The following GRM5 variants were observed in gnomAD, a reference collection of about 807,000 sequenced individuals.
The protein encoded by GRM5 is glutamate metabotropic receptor 5.
In GRM5, 19 loss-of-function variants were observed where a neutral mutation model predicts 83.1. That is an observed-to-expected ratio of 0.23 (90% CI 0.16 to 0.34). The LOEUF (loss-of-function observed/expected upper bound fraction) is 0.34. GRM5 is among the 10% of genes least tolerant of loss of function. The pLI, the probability that GRM5 is intolerant of heterozygous loss-of-function variation, is 1.00. For missense variants in GRM5, 1,160 were observed against 1,588.3 expected (o/e 0.73, Z 4.58); for synonymous variants, 675 against 633.6 (o/e 1.07, Z -0.98).
At chr11:88,964,894 G>A (rs923494355) in intron 2 of GRM5, among the ~76,000 whole-genome samples, 1 of 152,058 alleles carries the variant, frequency 6.6e-6, no homozygotes, top group Non-Finnish European at 1.5e-5. Flanking sequence ...ATAATAGAAT[G>A]ACATCTTTAA....
chr11:88,534,161 G>A (rs914082630), intron 8 of GRM5, among the ~76,000 whole-genome samples: 1 of 152,192 alleles, frequency 6.6e-6, no homozygotes, highest in Non-Finnish European at 1.5e-5. Context: ...GGGAAATGTG[G>A]GGTTGGAGTC....
chr11:88,724,168 T>C (rs1425539913), intron 3 of GRM5, among the ~76,000 whole-genome samples: 1 of 152,192 alleles, frequency 6.6e-6, no homozygotes, highest in Non-Finnish European at 1.5e-5. Context: ...TCATCTCTAT[T>C]GGCTGCCTTC....
At chr11:88,921,917 A>G (rs1380802961) in intron 2 of GRM5, among the ~76,000 whole-genome samples, 27 of 131,044 alleles carry the variant, frequency 2.1e-4, no homozygotes, top group Admixed American at 1.9e-3. Flanking sequence ...AAATAAAAAT[A>G]CAAAAAAAAC....
At position 88,908,488 on chromosome 11, in the gene GRM5, T is replaced by C. The variant is rs1340856333; in HGVS notation, c.662-58333A>G. Reference sequence around the variant, plus strand: ...CCTCTTTCACATATAGCCCCCAGAATATATCTTTCTAAACCCAGATTCGGT... The same window carrying C: ...CCTCTTTCACATATAGCCCCCAGAACATATCTTTCTAAACCCAGATTCGGT... On this transcript the variant is annotated intron_variant, in intron 2 of 9. Transcript: ENST00000305447. Among the ~76,000 whole-genome samples, 11 of 152,238 alleles carry C rather than the reference T, an allele frequency of 7.2e-5. No individual in the cohort carries two copies. In the East Asian group the frequency reaches 1.5e-3, roughly 21 times the overall value.
intron 3 of GRM5, among the ~76,000 whole-genome samples, chr11:88,747,046 T>C (rs1459348722): frequency 6.6e-6 from 1 of 152,210 alleles, no homozygotes; most frequent in Non-Finnish European, 1.5e-5. Flanking sequence ...AGTATAATAT[T>C]GTCATTGCAT....
intron 3 of GRM5, among the ~76,000 whole-genome samples, chr11:88,721,224 T>G (rs1158411270): frequency 5.9e-5 from 9 of 152,086 alleles, no homozygotes; most frequent in African/African-American, 2.2e-4. Context: ...ACAGTGAATA[T>G]TTTCATCATG....
chr11:88,838,166 T>C (rs1346420999), intron 3 of GRM5, among the ~76,000 whole-genome samples: 3 of 150,988 alleles, frequency 2.0e-5, no homozygotes, highest in African/African-American at 4.9e-5. Flanking sequence ...AGGTTAATAT[T>C]ACTCACTTCA....
intron 2 of GRM5, among the ~76,000 whole-genome samples, chr11:88,988,266 G>A (rs7105563): frequency 0.082 from 12,535 of 152,008 alleles, 1,680 homozygotes; most frequent in African/African-American, 0.28. Flanking sequence ...ACCAGCGATG[G>A]AAGATGAAAT....
In GRM5 at chr11:88,968,167, A is replaced by T. The variant is rs548302143; in HGVS notation, c.661+79045T>A. Among the ~76,000 whole-genome samples, 5 of 152,282 alleles carry T rather than the reference A, an allele frequency of 3.3e-5. No individual in the cohort carries two copies. In the South Asian group the frequency reaches 1.0e-3, roughly 32 times the overall value. ...AAATCATTGTTAATTTTGAATGTCCAATACAGTAGTCAATCTGTATCTTAA... is the reference window on the plus strand; with the variant it reads ...AAATCATTGTTAATTTTGAATGTCCTATACAGTAGTCAATCTGTATCTTAA... On this transcript the variant is annotated intron_variant, in intron 2 of 9. Coordinates refer to ENST00000305447, the MANE Select transcript of GRM5 (RefSeq NM_001143831.3).
At chr11:88,688,229 T>C (rs1940694313) in intron 3 of GRM5, among the ~76,000 whole-genome samples, 1 of 152,194 alleles carries the variant, frequency 6.6e-6, no homozygotes, top group African/African-American at 2.4e-5. Context: ...TAAATAGATG[T>C]CCTGCAGGCA....
intron 3 of GRM5, among the ~76,000 whole-genome samples, chr11:88,707,281 T>C (rs182730074): frequency 4.3e-4 from 66 of 152,222 alleles, no homozygotes; most frequent in African/African-American, 1.5e-3. Flanking sequence ...TAAAAATACT[T>C]AGGTCAGTGC....
chr11:88,552,888 A>C (rs531926174), intron 8 of GRM5, among the ~76,000 whole-genome samples: 1 of 152,286 alleles, frequency 6.6e-6, no homozygotes, highest in Non-Finnish European at 1.5e-5. Context: ...AAAAGCCTCT[A>C]AAAATTTCCA....
intron 2 of GRM5, among the ~76,000 whole-genome samples, chr11:88,912,868 C>A (rs1271335338): frequency 6.6e-6 from 1 of 152,154 alleles, no homozygotes; most frequent in African/African-American, 2.4e-5. Context: ...CTGTTGTCCT[C>A]ATGCCAGTCC....
chr11:88,589,591 C>T (rs2135206006), intron 7 of GRM5, among the ~76,000 whole-genome samples: 1 of 152,250 alleles, frequency 6.6e-6, no homozygotes, highest in East Asian at 1.9e-4. Flanking sequence ...ATACTGATGA[C>T]TTTATGATCT....
chr11:88,704,723 G>T (rs1297076725), intron 3 of GRM5, among the ~76,000 whole-genome samples: 3 of 152,030 alleles, frequency 2.0e-5, no homozygotes, highest in African/African-American at 7.2e-5. Flanking sequence ...GCTGAGGATG[G>T]AAAATGAACA....
chr11:88,680,199 A>G (rs982629064), intron 3 of GRM5, among the ~76,000 whole-genome samples: 3 of 152,084 alleles, frequency 2.0e-5, no homozygotes, highest in African/African-American at 7.2e-5. Context: ...CTCGACATTT[A>G]CATTAGGTAT....
At chr11:88,749,065 G>A (rs760158002) in intron 3 of GRM5, among the ~76,000 whole-genome samples, 3 of 152,120 alleles carry the variant, frequency 2.0e-5, no homozygotes, top group Non-Finnish European at 2.9e-5. Context: ...AACACCTCTC[G>A]AGCAAGGACC....
chr11:88,719,252 G>T (rs530900396), intron 3 of GRM5, among the ~76,000 whole-genome samples: 4 of 151,940 alleles, frequency 2.6e-5, no homozygotes, highest in African/African-American at 7.2e-5. Context: ...AGTGTATGTT[G>T]TTCCCTTCCC....
chr11:88,827,835 CAAT>C (rs751561312), intron 3 of GRM5, among the ~76,000 whole-genome samples: 27 of 152,018 alleles, frequency 1.8e-4, no homozygotes, highest in Non-Finnish European at 2.9e-4. Flanking sequence ...ACTAGAGAGA[CAAT>C]AAACCAAATA....
Sources: allele counts gnomAD v4.1 joint callset (sites outside exome capture counted in the v4.1 genomes callset), GRCh38; gene constraint gnomAD v4.1.1; transcripts MANE v1.5; gene names NCBI Gene and HGNC (gene_info 2026-07-23, HGNC 2026-07-21).